KIAA2013: variants seen among roughly 807,000 people sequenced by gnomAD.
KIAA2013 encodes the protein KIAA2013.
A neutral mutation model predicts 39.9 loss-of-function variants in KIAA2013; 20 were observed. That is an observed-to-expected ratio of 0.50 (90% CI 0.35 to 0.73). The LOEUF (loss-of-function observed/expected upper bound fraction) is 0.73, where lower values mean the gene tolerates loss of function less well. Ranked by LOEUF, KIAA2013 falls within the 30% of genes least tolerant of loss-of-function variation. The probability of loss-of-function intolerance (pLI) is 0.01; values close to 1 mark genes in which losing one functional copy is unlikely to be tolerated. For synonymous variants in KIAA2013, 336 were observed against 416.6 expected, an observed-to-expected ratio of 0.81 and a Z score of 2.35; for missense variants, 587 against 856.1, an observed-to-expected ratio of 0.69 and a Z score of 3.92.
rs563251524 is a variant in KIAA2013, at chr1:11,926,125, G to C, written c.113C>G (p.Ser38Cys). The change falls in exon 1 of 3, where the codon TCC becomes TGC. Residue 38 changes from serine to cysteine, a missense_variant. Physicochemically the swap from Ser to Cys is moderately radical, Grantham distance 112. Coordinates refer to ENST00000376572, the MANE Select transcript of KIAA2013 (RefSeq NM_138346.3). ...GCCGCCCGCCGCCCGCCGCGCGCCG[G>C]ACCCCCCAAACCACAGAAGCAGCAG... ...LLLLLLWFGGSGARRAAGGLH... is the reference protein window; with the variant it reads ...LLLLLLWFGGCGARRAAGGLH... The C allele has an allele frequency of 1.0e-5, 14 of 1,406,660 alleles. No homozygotes were observed. The highest frequency in any genetic ancestry group is 1.3e-5 in the Non-Finnish European group (14 of 1,074,816). The allele number at this position is 1,406,660 out of a possible 1,614,324, so 87.1% of individuals were successfully genotyped here.
chr1:11,925,735 C>G lies in KIAA2013; in HGVS notation c.503G>C (p.Gly168Ala). The G allele has an allele frequency of 6.5e-7, 1 of 1,544,114 alleles. No individual in the cohort carries two copies. Among genetic ancestry groups the G allele is most frequent in the South Asian group, 1.2e-5 (1 of 84,448 alleles). The change falls in exon 1 of 3, where the codon GGC becomes GCC. Residue 168 changes from glycine (G) to alanine (A), a missense_variant. Gly to Ala is a moderately conservative substitution (Grantham distance 60). Transcript: ENST00000376572. The surrounding 1 kb of genome is among the most constrained non-coding windows in gnomAD (Gnocchi z 5.2). The part of the protein sequence containing the change: ...GSPGPGPVAA[G>A]PGPASVSGLA... ...GCCAGAGACGGAGGCGGGCCCGGGG[C>G]CGGCGGCCACGGGGCCAGGACCTGG...
At position 11,923,464 on chromosome 1, in the gene KIAA2013, G is replaced by A. The variant is rs370051234; in HGVS notation, c.1059C>T (p.Asp353=). The change falls in exon 2 of 3, where the codon GAC becomes GAT. Residue 353 remains aspartate (D), a synonymous_variant. Coordinates refer to ENST00000376572, the MANE Select transcript of KIAA2013 (RefSeq NM_138346.3). The surrounding 1 kb of genome is among the most constrained non-coding windows in gnomAD (Gnocchi z 4.6). ...CGGTGAGGCCAGACGGCGTGTGGGT[G>A]TCAGTGATCTTCTTCATTTCCACTC... ...SPGVEMKKIT[D]THTPSGLTVN... 17 of 1,607,482 alleles carry A rather than the reference G, an allele frequency of 1.1e-5. 1 individual carries two copies. The African/African-American group carries it at 1.2e-4, about 11-fold the overall frequency.
At position 11,925,983 on chromosome 1, in the gene KIAA2013, C is replaced by T. The variant is rs1645504872; in HGVS notation, c.255G>A (p.Leu85=). ...GLRERGEVVP[L]GPGVPALVAN... ...CCACCAGGGCCGGCACTCCAGGACC[C>T]AGCGGTACCACCTCACCGCGCTCCC... The change falls in exon 1 of 3, where the codon CTG becomes CTA. Residue 85 remains leucine, a synonymous_variant. Coordinates refer to ENST00000376572, the MANE Select transcript of KIAA2013 (RefSeq NM_138346.3). The surrounding 1 kb of genome is among the most constrained non-coding windows in gnomAD (Gnocchi z 5.2). The T allele has an allele frequency of 1.3e-6, 2 of 1,531,682 alleles. No homozygotes were observed. The highest frequency in any genetic ancestry group is 2.4e-5 in the South Asian group (2 of 83,350). 94.9% of individuals were successfully genotyped at this position (1,531,682 alleles called of 1,614,324 possible).
intron 2 of KIAA2013, among the ~76,000 whole-genome samples, chr1:11,921,534 T>C (rs1050606163): frequency 2.6e-5 from 4 of 151,384 alleles, no homozygotes; most frequent in African/African-American, 9.7e-5. Context: ...TATTTTATTA[T>C]TATTATTATT....
At position 11,923,641 on chromosome 1, in the gene KIAA2013, A is replaced by G; in HGVS notation, c.1034-152T>C. 1.1e-6 allele frequency: 1 copy of G among 878,998 alleles called. No homozygotes were observed. Among genetic ancestry groups the G allele is most frequent in the Non-Finnish European group, 1.8e-6 (1 of 569,764 alleles). The allele number at this position is 878,998 out of a possible 1,614,324, so 54.4% of individuals were successfully genotyped here. Reference sequence around the variant, plus strand: ...TCTCCCTAAAGTATAGAAGAAAGTCAGCCTGTCTTGTTTACACGACCAACT... The same window carrying G: ...TCTCCCTAAAGTATAGAAGAAAGTCGGCCTGTCTTGTTTACACGACCAACT... On this transcript the variant is annotated intron_variant, in intron 1 of 2. Transcript: ENST00000376572. The surrounding 1 kb of genome is among the most constrained non-coding windows in gnomAD (Gnocchi z 4.6).
chr1:11,924,096 C>G (rs1645491170), intron 1 of KIAA2013, among the ~76,000 whole-genome samples: 1 of 151,558 alleles, frequency 6.6e-6, no homozygotes, highest in African/African-American at 2.4e-5. Context: ...CGTGCTGGGC[C>G]CCTTTGCTAC....
In KIAA2013 at chr1:11,925,880, G is replaced by C; in HGVS notation, c.358C>G (p.Pro120Ala). 2 of 1,529,464 alleles carry C rather than the reference G, an allele frequency of 1.3e-6. No homozygotes were observed. Among genetic ancestry groups the C allele is most frequent in the Non-Finnish European group, 1.7e-6 (2 of 1,145,012 alleles). 94.7% of individuals were successfully genotyped at this position (1,529,464 alleles called of 1,614,324 possible). A position where few individuals can be genotyped will look rare whatever the true frequency, so the allele number is the denominator to read the frequency against. ...AGCTGCACGAAGGGCACAAAGTCCGGCGCCACGGCGGGCTCCCGCTCCCCG... is the reference window on the plus strand; with the variant it reads ...AGCTGCACGAAGGGCACAAAGTCCGCCGCCACGGCGGGCTCCCGCTCCCCG... ...TPGEREPAVA[P>A]DFVPFVQLRP... Residue 120 changes from proline (P) to alanine (A), a missense_variant, in exon 1 of 3, where the codon CCG becomes GCG. Coordinates refer to ENST00000376572, the MANE Select transcript of KIAA2013 (RefSeq NM_138346.3). This position sits in a 1 kb window ranked among gnomAD's most constrained non-coding sequence, Gnocchi z 5.2.
chr1:11,923,011 C>T lies in KIAA2013; in HGVS notation c.1512G>A (p.Lys504=), dbSNP rs76076085. The T allele has an allele frequency of 1.5e-3, 2,338 of 1,611,628 alleles. 63 individuals are homozygous for T. In the East Asian group the frequency reaches 0.044, roughly 31 times the overall value. ...NLAVLADAEG[K]PYLHVSVESR... ...ACTCCACGGACACGTGTAGGTAGGGCTTGCCCTCGGCATCCGCCAGCACGG... is the reference window on the plus strand; with the variant it reads ...ACTCCACGGACACGTGTAGGTAGGGTTTGCCCTCGGCATCCGCCAGCACGG... Residue 504 remains lysine, a synonymous_variant, in exon 2 of 3, where the codon AAG becomes AAA. Transcript: ENST00000376572. This position sits in a 1 kb window ranked among gnomAD's most constrained non-coding sequence, Gnocchi z 4.6.
In KIAA2013 at chr1:11,925,929, A is replaced by G; in HGVS notation, c.309T>C (p.Ala103=). ...CGGGAGTCACCCACAGCCGATTGGC[A>G]GCCACGTCCAGGGCCAGGAAGCCGT... ...VANGFLALDV[A]ANRLWVTPGE... The change falls in exon 1 of 3, where the codon GCT becomes GCC. Residue 103 remains alanine (A), a synonymous_variant. Transcript: ENST00000376572. This position sits in a 1 kb window ranked among gnomAD's most constrained non-coding sequence, Gnocchi z 5.2. The G allele has an allele frequency of 6.5e-7, 1 of 1,532,586 alleles. No homozygotes were observed. The highest frequency in any genetic ancestry group is 1.2e-5 in the South Asian group (1 of 83,512). 94.9% of individuals were successfully genotyped at this position (1,532,586 alleles called of 1,614,324 possible). A position where few individuals can be genotyped will look rare whatever the true frequency, so the allele number is the denominator to read the frequency against.
chr1:11,926,341 G>T lies in KIAA2013; in HGVS notation c.-104C>A. On this transcript the variant is annotated 5_prime_UTR_variant, in exon 1 of 3. Transcript: ENST00000376572. Reference sequence around the variant, plus strand: ...CTCACTGCCCGGCCCGGACCGCGGCGCCCACCCCGGCCCCCGCCGCAACCG... The same window carrying T: ...CTCACTGCCCGGCCCGGACCGCGGCTCCCACCCCGGCCCCCGCCGCAACCG... 2.4e-6 allele frequency: 1 copy of T among 409,858 alleles called. No homozygotes were observed. Among genetic ancestry groups the T allele is most frequent in the Non-Finnish European group, 3.3e-6 (1 of 304,488 alleles). The allele number at this position is 409,858 out of a possible 1,614,324, so 25.4% of individuals were successfully genotyped here.
intron 2 of KIAA2013, among the ~76,000 whole-genome samples, chr1:11,921,512 T>G (rs1476000087): frequency 6.6e-6 from 1 of 151,998 alleles, no homozygotes; most frequent in Non-Finnish European, 1.5e-5. Flanking sequence ...AGGGGCTTGT[T>G]GCAGTTATTT....
At chr1:11,922,407 C>A in intron 2 of KIAA2013, 1 of 1,443,460 alleles carries the variant, frequency 6.9e-7, no homozygotes, top group Non-Finnish European at 9.1e-7. Context: ...GGGAGGGCTG[C>A]CCTGGAAAGC....
At position 11,922,724 on chromosome 1, in the gene KIAA2013, G is replaced by C; in HGVS notation, c.1799C>G (p.Ser600Cys). The change falls in exon 2 of 3, where the codon TCC (serine) becomes TGC (cysteine). Residue 600 changes from serine to cysteine, a missense_variant. Transcript: ENST00000376572. ...GAAGAGGTGGAAGAGGGTGATTAGG[G>C]AGGCCACGCTGAACCAGAAGAGGAA... ...LPFLFWFSVA[S>C]LITLFHLFLF... is the part of the protein sequence containing the mutation. 1 of 1,613,914 alleles carries C rather than the reference G, an allele frequency of 6.2e-7. No homozygotes were observed. The highest frequency in any genetic ancestry group is 8.5e-7 in the Non-Finnish European group (1 of 1,179,928).
In KIAA2013 at chr1:11,920,304, T is replaced by G; in HGVS notation, c.*11A>C. 1 of 1,614,038 alleles carries G rather than the reference T, an allele frequency of 6.2e-7. No individual in the cohort carries two copies. Among genetic ancestry groups the G allele is most frequent in the Non-Finnish European group, 8.5e-7 (1 of 1,179,854 alleles). On this transcript the variant is annotated 3_prime_UTR_variant, in exon 3 of 3. Coordinates refer to ENST00000376572, the MANE Select transcript of KIAA2013 (RefSeq NM_138346.3). ...TGCAAATGGTGGCTGAAAGCAGGAC[T>G]GTTAGTTCACTCAGACACTGGGATC...
chr1:11,924,812 G>A (rs139093130), intron 1 of KIAA2013, among the ~76,000 whole-genome samples: 1 of 152,130 alleles, frequency 6.6e-6, no homozygotes, highest in Admixed American at 6.6e-5. Context: ...AGAAGCCCAC[G>A]TCTGTCACCA....
rs1015547333 is a variant in KIAA2013, at chr1:11,919,953, A to G, written c.*362T>C. 1 of 308,476 alleles carries G rather than the reference A, an allele frequency of 3.2e-6. No individual in the cohort carries two copies. Among genetic ancestry groups the G allele is most frequent in the African/African-American group, 2.2e-5 (1 of 45,728 alleles). The allele number at this position is 308,476 out of a possible 1,614,324, so 19.1% of individuals were successfully genotyped here. On this transcript the variant is annotated 3_prime_UTR_variant, in exon 3 of 3. Transcript: ENST00000376572. The stretch of plus-strand genomic sequence containing the variant: ...AAACTTCATTAAGAAAGAACACGTT[A>G]AATTAGGAAAAGGACACAACTTTTC...
In KIAA2013 at chr1:11,926,012, G is replaced by T; in HGVS notation, c.226C>A (p.Leu76Met). 6.6e-7 allele frequency: 1 copy of T among 1,504,414 alleles called. No homozygotes were observed. The allele number at this position is 1,504,414 out of a possible 1,614,324, so 93.2% of individuals were successfully genotyped here. A position where few individuals can be genotyped will look rare whatever the true frequency, so the allele number is the denominator to read the frequency against. ...LEAATRAWRG[L>M]RERGEVVPLG... ...GGTACCACCTCACCGCGCTCCCGCA[G>T]GCCGCGCCAGGCGCGGGTGGCCGCC... is the stretch of plus-strand genomic sequence containing the variant. Residue 76 changes from leucine (L) to methionine (M), a missense_variant, in exon 1 of 3, where the codon CTG (leucine) becomes ATG (methionine). By Grantham distance (15) the Leu-to-Met change is conservative. Coordinates refer to ENST00000376572, the MANE Select transcript of KIAA2013 (RefSeq NM_138346.3).
At chr1:11,924,051 G>A (rs1235804171) in intron 1 of KIAA2013, among the ~76,000 whole-genome samples, 3 of 152,062 alleles carry the variant, frequency 2.0e-5, no homozygotes, top group Non-Finnish European at 2.9e-5. Flanking sequence ...AACAGCCCTG[G>A]CAGAAGCATT....
At position 11,922,971 on chromosome 1, in the gene KIAA2013, C is replaced by T. The variant is rs150730755; in HGVS notation, c.1552G>A (p.Val518Ile). ...HVSVESRGQPVKIYACKAGCL... is the reference protein window; with the variant it reads ...HVSVESRGQPIKIYACKAGCL... ...CCTGCCTTGCAGGCATAGATCTTGA[C>T]AGGCTGGCCACGGGACTCCACGGAC... The change falls in exon 2 of 3, where the codon GTC (valine) becomes ATC (isoleucine). Residue 518 changes from valine to isoleucine, a missense_variant. Physicochemically the swap from Val to Ile is conservative, Grantham distance 29. Transcript: ENST00000376572. The T allele has an allele frequency of 1.9e-6, 3 of 1,612,172 alleles. No individual in the cohort carries two copies. The South Asian group carries it at 3.3e-5, about 18-fold the overall frequency.
Sources: gnomAD v4.1 joint callset for allele counts (sites outside exome capture counted in the v4.1 genomes callset) on GRCh38, gnomAD v4.1.1 for gene constraint, Gnocchi (gnomAD v3.1) non-coding constraint, MANE v1.5 for transcripts, NCBI Gene and HGNC (gene_info 2026-07-23, HGNC 2026-07-21) for gene names.